DCDC1: variants seen among roughly 807,000 people sequenced by gnomAD.
DCDC1 encodes the protein doublecortin domain-containing protein 1.
In DCDC1, 200 loss-of-function variants were observed where a neutral mutation model predicts 178.3. The observed-to-expected ratio is 1.12, with a 90% confidence interval of 1.00 to 1.26. DCDC1 has a LOEUF of 1.26. Ranked by LOEUF, DCDC1 falls within the 50% of genes most tolerant of loss-of-function variation. The probability of loss-of-function intolerance (pLI) is 0.00; values close to 1 mark genes in which losing one functional copy is unlikely to be tolerated. For missense variants in DCDC1, 1,983 were observed against 1,749.2 expected (o/e 1.13, Z -2.38); for synonymous variants, 690 against 604.8 (o/e 1.14, Z -2.07).
intron 9 of DCDC1, among the ~76,000 whole-genome samples, chr11:31,217,373 A>G (rs1973721365): frequency 6.6e-6 from 1 of 152,210 alleles, no homozygotes; most frequent in African/African-American, 2.4e-5. Context: ...AAGTTTTTAG[A>G]TACTCTGATC....
chr11:30,866,756 G>T (rs1941015926), intron 38 of DCDC1, among the ~76,000 whole-genome samples: 1 of 152,010 alleles, frequency 6.6e-6, no homozygotes, highest in African/African-American at 2.4e-5. Flanking sequence ...CTTAATTATG[G>T]CACCTACTGT....
At chr11:30,981,772 A>G (rs1385193789) in intron 20 of DCDC1, among the ~76,000 whole-genome samples, 1 of 152,188 alleles carries the variant, frequency 6.6e-6, no homozygotes, top group Non-Finnish European at 1.5e-5. Flanking sequence ...TCAGTCATTT[A>G]AAATCTATGC....
intron 21 of DCDC1, among the ~76,000 whole-genome samples, chr11:30,949,343 A>T (rs1342940882): frequency 2.0e-5 from 3 of 152,240 alleles, no homozygotes; most frequent in Non-Finnish European, 4.4e-5. Context: ...ATCATTAAAA[A>T]GTCAGGAAAC....
intron 9 of DCDC1, among the ~76,000 whole-genome samples, chr11:31,176,736 T>A (rs1968081075): frequency 6.6e-6 from 1 of 151,786 alleles, no homozygotes; most frequent in South Asian, 2.1e-4. Flanking sequence ...CAGGAGAGAA[T>A]GGGATAATAC....
At chr11:31,151,678 T>C (rs1257738450) in intron 9 of DCDC1, among the ~76,000 whole-genome samples, 5 of 152,210 alleles carry the variant, frequency 3.3e-5, no homozygotes, top group Non-Finnish European at 7.3e-5. Context: ...TATAGAAATA[T>C]AGGTACATGT....
intron 17 of DCDC1, among the ~76,000 whole-genome samples, chr11:31,082,986 T>C (rs569297914): frequency 2.0e-5 from 3 of 152,252 alleles, no homozygotes; most frequent in Non-Finnish European, 2.9e-5. Flanking sequence ...TTCTATTTGA[T>C]GTTGACGTTT....
chr11:31,051,969 G>A (rs1042803904), intron 20 of DCDC1, among the ~76,000 whole-genome samples: 1 of 152,042 alleles, frequency 6.6e-6, no homozygotes, highest in Admixed American at 6.6e-5. Flanking sequence ...AGGCAACAAT[G>A]AGCAAGATGA....
At chr11:31,273,151 C>T (rs563762807) in intron 7 of DCDC1, among the ~76,000 whole-genome samples, 34 of 152,338 alleles carry the variant, frequency 2.2e-4, no homozygotes, top group Non-Finnish European at 2.4e-4. Context: ...GCCCTGGAGA[C>T]ACTTTCCCCA....
intron 36 of DCDC1, among the ~76,000 whole-genome samples, chr11:30,892,072 A>G (rs1004781623): frequency 6.6e-6 from 1 of 152,264 alleles, no homozygotes; most frequent in Admixed American, 6.5e-5. Context: ...TTCACAAAAT[A>G]AAAAAGACAA....
intron 1 of DCDC1, among the ~76,000 whole-genome samples, chr11:31,343,906 T>A (rs1245068017): frequency 6.8e-6 from 1 of 147,302 alleles, no homozygotes; most frequent in Non-Finnish European, 1.5e-5. Flanking sequence ...GGCAACAGAG[T>A]GAGACTCCAT....
At chr11:31,121,894 G>A (rs982152933) in intron 11 of DCDC1, among the ~76,000 whole-genome samples, 2 of 152,134 alleles carry the variant, frequency 1.3e-5, no homozygotes, top group Admixed American at 1.3e-4. Context: ...CTAGGGCTAT[G>A]TAAGCTATAG....
chr11:31,059,957 G>A (rs1955821310), intron 20 of DCDC1, among the ~76,000 whole-genome samples: 1 of 151,862 alleles, frequency 6.6e-6, no homozygotes, highest in Non-Finnish European at 1.5e-5. Context: ...CATTGCTATT[G>A]ATTTGCCTTT....
chr11:30,927,311 G>A (rs912185204), intron 22 of DCDC1, among the ~76,000 whole-genome samples: 2 of 151,578 alleles, frequency 1.3e-5, no homozygotes, highest in African/African-American at 4.9e-5. Flanking sequence ...GTTTCACTAA[G>A]CAAATTTTCT....
At chr11:31,070,101 C>A (rs917043806) in intron 18 of DCDC1, among the ~76,000 whole-genome samples, 3 of 152,172 alleles carry the variant, frequency 2.0e-5, no homozygotes, top group African/African-American at 7.2e-5. Flanking sequence ...CCTTTGGAGT[C>A]ATCCTAAACC....
chr11:30,983,594 A>G (rs1950495811), intron 20 of DCDC1, among the ~76,000 whole-genome samples: 1 of 152,202 alleles, frequency 6.6e-6, no homozygotes, highest in Non-Finnish European at 1.5e-5. Flanking sequence ...AATACAAATA[A>G]AAGTGTTTTC....
chr11:31,110,259 C>A lies in DCDC1; in HGVS notation c.1587+1G>T. On this transcript the variant is annotated splice_donor_variant, in intron 12 of 38. Coordinates refer to ENST00000684477, the MANE Select transcript of DCDC1 (RefSeq NM_001387274.1). LOFTEE classifies it high-confidence loss of function. ...CATAAGTAAACTGTCAGTAAACTCA[C>A]TCTTTCCATCATATGGTCAGTTTGA... The A allele has an allele frequency of 1.4e-6, 1 of 710,894 alleles. No individual in the cohort carries two copies. The highest frequency in any genetic ancestry group is 1.5e-5 in the South Asian group (1 of 67,668). 44.0% of individuals were successfully genotyped at this position (710,894 alleles called of 1,614,324 possible).
chr11:31,274,002 TA>T (rs1223015047), intron 7 of DCDC1, among the ~76,000 whole-genome samples: 1 of 152,110 alleles, frequency 6.6e-6, no homozygotes, highest in Non-Finnish European at 1.5e-5. Flanking sequence ...ATGACTCAAT[TA>T]CCTCCCACCT....
intron 9 of DCDC1, among the ~76,000 whole-genome samples, chr11:31,145,492 G>C (rs1292785629): frequency 6.6e-6 from 1 of 152,198 alleles, no homozygotes; most frequent in Non-Finnish European, 1.5e-5. Context: ...CTCTATAAGG[G>C]TGGTGGCCTA....
intron 17 of DCDC1, among the ~76,000 whole-genome samples, chr11:31,087,023 A>G (rs928105421): frequency 6.6e-6 from 1 of 151,928 alleles, no homozygotes; most frequent in Non-Finnish European, 1.5e-5. Context: ...CTGGGTCTGG[A>G]GTTTTCTTTG....
Sources: gnomAD v4.1 joint callset for allele counts (sites outside exome capture counted in the v4.1 genomes callset) on GRCh38, gnomAD v4.1.1 for gene constraint, MANE v1.5 for transcripts, NCBI Gene and HGNC (gene_info 2026-07-23, HGNC 2026-07-21) for gene names.